The following RLF variants were observed in gnomAD, a reference collection of about 807,000 sequenced individuals.
RLF encodes zinc finger protein Rlf.
RLF carries 7 observed loss-of-function variants against 162.9 expected under a neutral mutation model. That is an observed-to-expected ratio of 0.04 (90% CI 0.02 to 0.08). RLF has a LOEUF of 0.08. Among genes scored for constraint, RLF ranks in the 10% least tolerant of loss-of-function variants. The pLI is 1.00. For synonymous variants in RLF, 782 were observed against 791.5 expected, an observed-to-expected ratio of 0.99 and a Z score of 0.20; for missense variants, 1,664 against 2,244.7, an observed-to-expected ratio of 0.74 and a Z score of 5.23.
intron 1 of RLF, among the ~76,000 whole-genome samples, chr1:40,172,794 A>T (rs918610302): frequency 3.3e-5 from 5 of 152,064 alleles, no homozygotes; most frequent in Admixed American, 3.3e-4. Flanking sequence ...ATTAAAGAGG[A>T]TGTTTAAGTT....
intron 1 of RLF, among the ~76,000 whole-genome samples, chr1:40,178,866 G>A (rs934652114): frequency 1.3e-5 from 2 of 151,382 alleles, no homozygotes; most frequent in African/African-American, 2.4e-5. Flanking sequence ...ATGGAGCCTC[G>A]CTGTGTCACC....
At chr1:40,231,857 T>C (rs573245699) in intron 7 of RLF, among the ~76,000 whole-genome samples, 199 bp downstream of exon 7, 4 of 152,296 alleles carry the variant, frequency 2.6e-5, no homozygotes, top group African/African-American at 9.6e-5. Context: ...TCAAACAAGT[T>C]AGGTGATATT....
chr1:40,174,930 T>C (rs1320241513), intron 1 of RLF, among the ~76,000 whole-genome samples: 1 of 152,200 alleles, frequency 6.6e-6, no homozygotes, highest in Non-Finnish European at 1.5e-5. Context: ...CCAAGCACAG[T>C]GGCTCACACC....
At chr1:40,234,937 G>A (rs1474378100) in intron 7 of RLF, among the ~76,000 whole-genome samples, 1 of 152,026 alleles carries the variant, frequency 6.6e-6, no homozygotes, top group Non-Finnish European at 1.5e-5. Context: ...GGAAAGCTGA[G>A]ATTCAGTACA....
intron 1 of RLF, among the ~76,000 whole-genome samples, chr1:40,177,376 G>A (rs1402124873): frequency 1.3e-5 from 2 of 149,826 alleles, no homozygotes; most frequent in Admixed American, 6.7e-5. Flanking sequence ...TGCAAGCTCC[G>A]CCTCCCGGGG....
At chr1:40,174,794 T>A (rs1642296667) in intron 1 of RLF, among the ~76,000 whole-genome samples, 1 of 152,236 alleles carries the variant, frequency 6.6e-6, no homozygotes, top group South Asian at 2.1e-4. Context: ...CAGTGGAAAC[T>A]ACTGATTAGA....
At chr1:40,226,530 G>A (rs938988124) in intron 6 of RLF, among the ~76,000 whole-genome samples, 9 of 152,174 alleles carry the variant, frequency 5.9e-5, no homozygotes, top group African/African-American at 2.2e-4. Flanking sequence ...TTCTGCCCCA[G>A]CTAGACTGTG....
chr1:40,161,502 C>G lies in RLF; in HGVS notation c.103C>G (p.Arg35Gly). 6.2e-7 allele frequency: 1 copy of G among 1,604,316 alleles called. No individual in the cohort carries two copies. Among genetic ancestry groups the G allele is most frequent in the Non-Finnish European group, 8.5e-7 (1 of 1,176,180 alleles). ...TGGAGTCGAGACTGAGTCCATGGTT[C>G]GGGGTCATCGCCCCGTATCTCCAGC... Reference protein sequence around the residue: ...GDGVETESMVRGHRPVSPAPG... With the variant: ...GDGVETESMVGGHRPVSPAPG... Residue 35 changes from arginine (R) to glycine (G), a missense_variant, in exon 1 of 8, where the codon CGG becomes GGG. By Grantham distance (125) the Arg-to-Gly change is moderately radical. Transcript: ENST00000372771. This position sits in a 1 kb window ranked among gnomAD's most constrained non-coding sequence, Gnocchi z 4.4.
chr1:40,189,354 G>A (rs764831733), intron 2 of RLF, 145 bp downstream of exon 2: 30 of 619,208 alleles, frequency 4.8e-5, no homozygotes, highest in East Asian at 3.8e-4. Context: ...TCCTACTCAC[G>A]TTCCCAGGAG....
At chr1:40,221,887 G>T (rs1319112644) in intron 5 of RLF, among the ~76,000 whole-genome samples, 2 of 98,850 alleles carry the variant, frequency 2.0e-5, no homozygotes, top group Non-Finnish European at 4.1e-5. Flanking sequence ...GCGACACAGC[G>T]AGACTCCGTC....
rs142415642 is a variant in RLF at position 40,161,526 on chromosome 1, G to T, written c.127G>T (p.Ala43Ser). Residue 43 changes from alanine (A) to serine (S), a missense_variant, in exon 1 of 8, where the codon GCG (alanine) becomes TCG (serine). Ala to Ser is a moderately conservative substitution (Grantham distance 99, BLOSUM62 1). Transcript: ENST00000372771. The surrounding 1 kb of genome is among the most constrained non-coding windows in gnomAD (Gnocchi z 4.4). ...MVRGHRPVSP[A>S]PGASGLRPCL... is the part of the protein sequence containing the mutation. ...TCGGGGTCATCGCCCCGTATCTCCA[G>T]CGCCGGGAGCCTCGGGACTGCGGCC... The T allele has an allele frequency of 1.4e-5, 23 of 1,606,780 alleles. No homozygotes were observed. The Admixed American group carries it at 3.1e-4, about 21-fold the overall frequency.
rs139689875 is a variant in RLF at position 40,238,179 on chromosome 1, C to T, written c.3477C>T (p.Val1159=). ...AGCATAATTATTCAAAAGAAAAAGTCCTTCAGTTAACCATGTTCCAACATC... is the reference window on the plus strand; with the variant it reads ...AGCATAATTATTCAAAAGAAAAAGTTCTTCAGTTAACCATGTTCCAACATC... ...LKKHNYSKEK[V]LQLTMFQHRY... The change falls in exon 8 of 8, where the codon GTC becomes GTT. Residue 1159 remains valine (V), a synonymous_variant. Coordinates refer to ENST00000372771, the MANE Select transcript of RLF (RefSeq NM_012421.4). This position sits in a 1 kb window ranked among gnomAD's most constrained non-coding sequence, Gnocchi z 5.2. The T allele has an allele frequency of 6.6e-4, 1,070 of 1,613,768 alleles. 2 individuals carry two copies. The highest frequency in any genetic ancestry group is 8.7e-4 in the Non-Finnish European group (1,024 of 1,179,886).
intron 3 of RLF, among the ~76,000 whole-genome samples, chr1:40,192,887 C>T (rs1206010477): frequency 6.6e-6 from 1 of 152,054 alleles, no homozygotes; most frequent in Non-Finnish European, 1.5e-5. Flanking sequence ...TTCCTATGGA[C>T]ATAAAAATAT....
Position 40,182,528 on chromosome 1 carries a change from A to G in RLF, c.238-6527A>G, listed in dbSNP as rs148370614. ...TTTCTGGGTGGTGGTATTATGGGTTATTAAATTTTTATTTTTGCATATGTA... is the reference window on the plus strand; with the variant it reads ...TTTCTGGGTGGTGGTATTATGGGTTGTTAAATTTTTATTTTTGCATATGTA... On this transcript the variant is annotated intron_variant, in intron 1 of 7. Coordinates refer to ENST00000372771, the MANE Select transcript of RLF (RefSeq NM_012421.4). 7.9e-4 allele frequency among the ~76,000 whole-genome samples: 121 copies of G among 152,334 alleles called. 1 individual carries two copies. In the East Asian group the frequency reaches 0.019, roughly 24 times the overall value.
chr1:40,188,515 A>T (rs1214912464), intron 1 of RLF, among the ~76,000 whole-genome samples: 2 of 152,136 alleles, frequency 1.3e-5, no homozygotes, highest in South Asian at 2.1e-4. Flanking sequence ...TTTGTTGAGG[A>T]TACAGGGCTA....
At chr1:40,225,924 C>T (rs1172777274) in intron 6 of RLF, among the ~76,000 whole-genome samples, 1 of 144,214 alleles carries the variant, frequency 6.9e-6, no homozygotes, top group Non-Finnish European at 1.5e-5. Context: ...TAGTGGTACG[C>T]ACCTATAATC....
chr1:40,206,616 GC>G (rs1642798154), intron 5 of RLF, among the ~76,000 whole-genome samples: 1 of 152,116 alleles, frequency 6.6e-6, no homozygotes, highest in African/African-American at 2.4e-5. Context: ...TTATCTAATA[GC>G]TTTCCATCTT....
In RLF at chr1:40,239,801, C is replaced by G; in HGVS notation, c.5099C>G (p.Ser1700Cys). 2 of 1,614,140 alleles carry G rather than the reference C, an allele frequency of 1.2e-6. No homozygotes were observed. The highest frequency in any genetic ancestry group is 1.7e-6 in the Non-Finnish European group (2 of 1,180,028). The change falls in exon 8 of 8, where the codon TCC becomes TGC. Residue 1700 changes from serine (S) to cysteine (C), a missense_variant. Physicochemically the swap from Ser to Cys is moderately radical, Grantham distance 112. Coordinates refer to ENST00000372771, the MANE Select transcript of RLF (RefSeq NM_012421.4). ...QPPPPCKIENSIPNPNGTESG... is the reference protein window; with the variant it reads ...QPPPPCKIENCIPNPNGTESG... ...CCTCCTCCTTGTAAAATAGAAAATTCCATACCTAATCCCAATGGGACTGAA... is the reference window on the plus strand; with the variant it reads ...CCTCCTCCTTGTAAAATAGAAAATTGCATACCTAATCCCAATGGGACTGAA...
intron 5 of RLF, among the ~76,000 whole-genome samples, chr1:40,214,262 T>C (rs1309713938): frequency 6.6e-6 from 1 of 152,160 alleles, no homozygotes; most frequent in African/African-American, 2.4e-5. Context: ...ATGTGAGATT[T>C]AGAGGTCTGA....
Sources: allele counts gnomAD v4.1 joint callset (sites outside exome capture counted in the v4.1 genomes callset), GRCh38; gene constraint gnomAD v4.1.1; non-coding constraint Gnocchi (gnomAD v3.1); transcripts MANE v1.5; gene names NCBI Gene and HGNC (gene_info 2026-07-23, HGNC 2026-07-21).